The following SBF2 variants were observed in gnomAD, a reference collection of about 807,000 sequenced individuals.
SBF2 encodes the protein myotubularin-related protein 13.
A neutral mutation model predicts 225.2 loss-of-function variants in SBF2; 112 were observed. That is an observed-to-expected ratio of 0.50 (90% CI 0.43 to 0.58). The LOEUF is 0.58. Ranked by LOEUF, SBF2 falls within the 20% of genes least tolerant of loss-of-function variation. SBF2 has a pLI of 0.00. For synonymous variants in SBF2, 763 were observed against 773.3 expected, an observed-to-expected ratio of 0.99 and a Z score of 0.22; for missense variants, 1,996 against 2,206.2, an observed-to-expected ratio of 0.90 and a Z score of 1.91.
At chr11:10,273,022 A>G (rs1203160549) in intron 1 of SBF2, among the ~76,000 whole-genome samples, 2 of 151,986 alleles carry the variant, frequency 1.3e-5, no homozygotes, top group African/African-American at 4.8e-5. Context: ...GTGAGCCAAG[A>G]TCGCGCCACT....
intron 6 of SBF2, among the ~76,000 whole-genome samples, chr11:10,024,043 C>A (rs1391206423): frequency 6.6e-6 from 1 of 152,006 alleles, no homozygotes; most frequent in Non-Finnish European, 1.5e-5. Flanking sequence ...TAGATTAGAC[C>A]ACATTTTTTA....
intron 6 of SBF2, among the ~76,000 whole-genome samples, chr11:10,017,842 C>G (rs766067829): frequency 9.2e-5 from 14 of 152,020 alleles, no homozygotes; most frequent in Non-Finnish European, 1.6e-4. Context: ...ACATAAAAGG[C>G]CAATTCAACC....
intron 28 of SBF2, among the ~76,000 whole-genome samples, chr11:9,821,528 C>T (rs911630946): frequency 1.3e-5 from 2 of 152,178 alleles, no homozygotes; most frequent in African/African-American, 2.4e-5. Context: ...ATTAGACTAC[C>T]GCATTGGTTG....
intron 16 of SBF2, among the ~76,000 whole-genome samples, chr11:9,911,057 C>CA (rs1424652471): frequency 7.0e-6 from 1 of 143,840 alleles, no homozygotes; most frequent in Non-Finnish European, 1.5e-5. Flanking sequence ...GACTCCATCT[C>CA]AAAAAAACAA....
At chr11:10,172,162 T>C (rs1956224039) in intron 2 of SBF2, among the ~76,000 whole-genome samples, 1 of 152,162 alleles carries the variant, frequency 6.6e-6, no homozygotes, top group Non-Finnish European at 1.5e-5. Context: ...TAGTTTCTTT[T>C]CTTCTCCTAA....
chr11:9,792,463 A>T (rs569175532), intron 33 of SBF2, among the ~76,000 whole-genome samples: 1 of 152,004 alleles, frequency 6.6e-6, no homozygotes, highest in Non-Finnish European at 1.5e-5. Flanking sequence ...GATGAATTCT[A>T]CCAGCAGTGG....
chr11:9,854,989 A>C (rs547124608), intron 19 of SBF2, among the ~76,000 whole-genome samples: 23 of 152,368 alleles, frequency 1.5e-4, no homozygotes, highest in African/African-American at 4.8e-4. Context: ...GTGACAGCTA[A>C]GGAATATCTT....
chr11:10,015,761 A>G, intron 6 of SBF2, among the ~76,000 whole-genome samples: 1 of 152,164 alleles, frequency 6.6e-6, no homozygotes. Context: ...TGTCATGTCA[A>G]GTCTAGTCTT....
intron 2 of SBF2, among the ~76,000 whole-genome samples, chr11:10,077,453 A>T (rs1590904302): frequency 6.6e-6 from 1 of 152,274 alleles, no homozygotes; most frequent in African/African-American, 2.4e-5. Flanking sequence ...ACCAAACCAC[A>T]TCTATACACC....
At chr11:9,790,763 TA>T (rs1232903167) in intron 33 of SBF2, 80 bp from the exon 34 acceptor site, 1 of 1,108,274 alleles carries the variant, frequency 9.0e-7, no homozygotes, top group Non-Finnish European at 1.3e-6. Flanking sequence ...ATGCAGCAGA[TA>T]AAAAAGTGGA....
intron 22 of SBF2, 51 bp downstream of exon 22, chr11:9,849,972 A>T (rs1301472665): frequency 6.6e-7 from 1 of 1,516,124 alleles, no homozygotes; most frequent in Non-Finnish European, 9.2e-7. Context: ...TGGGATCGAG[A>T]CCTCATGTAC....
chr11:9,949,585 A>G (rs1865742774), intron 16 of SBF2, among the ~76,000 whole-genome samples: 1 of 152,180 alleles, frequency 6.6e-6, no homozygotes, highest in Non-Finnish European at 1.5e-5. Flanking sequence ...GGGGTGCATT[A>G]CACTGAAAGA....
At chr11:9,885,824 G>C (rs1196304816) in intron 17 of SBF2, among the ~76,000 whole-genome samples, 1 of 152,146 alleles carries the variant, frequency 6.6e-6, no homozygotes, top group Non-Finnish European at 1.5e-5. Flanking sequence ...TAGGGTCCAG[G>C]ATGATTGTTT....
intron 2 of SBF2, among the ~76,000 whole-genome samples, chr11:10,051,302 G>A (rs12288355): frequency 1.4e-4 from 21 of 151,726 alleles, no homozygotes; most frequent in African/African-American, 4.8e-4. Flanking sequence ...ATATAACATC[G>A]AGAAAAAGAA....
At chr11:9,964,227 GAC>G (rs1866759393) in intron 14 of SBF2, among the ~76,000 whole-genome samples, 1 of 152,214 alleles carries the variant, frequency 6.6e-6, no homozygotes, top group Non-Finnish European at 1.5e-5. Context: ...GCAGCTGGGT[GAC>G]AGAGTGAGAC....
chr11:10,082,864 C>G (rs974157525), intron 2 of SBF2, among the ~76,000 whole-genome samples: 3 of 152,080 alleles, frequency 2.0e-5, no homozygotes, highest in Non-Finnish European at 4.4e-5. Flanking sequence ...CTATTCAACA[C>G]AGTACTGGAA....
At chr11:10,116,596 C>T (rs1244419785) in intron 2 of SBF2, among the ~76,000 whole-genome samples, 2 of 152,184 alleles carry the variant, frequency 1.3e-5, no homozygotes, top group African/African-American at 2.4e-5. Context: ...AATATAAACT[C>T]CTACACAACT....
chr11:9,933,317 C>T (rs1013194249), intron 16 of SBF2, among the ~76,000 whole-genome samples: 2 of 152,174 alleles, frequency 1.3e-5, no homozygotes, highest in African/African-American at 4.8e-5. Context: ...ACCTAATGGA[C>T]ATCTACAGAA....
intron 28 of SBF2, among the ~76,000 whole-genome samples, chr11:9,829,110 T>TA (rs1855228411): frequency 1.3e-5 from 2 of 151,882 alleles, no homozygotes; most frequent in Non-Finnish European, 2.9e-5. Flanking sequence ...CCCCATCTCT[T>TA]AAAAAAAAGA....
Sources: allele counts gnomAD v4.1 joint callset (sites outside exome capture counted in the v4.1 genomes callset), GRCh38; gene constraint gnomAD v4.1.1; transcripts MANE v1.5; gene names NCBI Gene and HGNC (gene_info 2026-07-23, HGNC 2026-07-21).